Variants in IMMP2L observed in about 807,000 individuals in gnomAD.
IMMP2L encodes mitochondrial inner membrane protease subunit 2.
Under a neutral mutation model 19.3 loss-of-function variants are expected in IMMP2L, and 18 were observed. The observed-to-expected ratio is 0.93, with a 90% CI of 0.64 to 1.38. IMMP2L has a LOEUF of 1.38. Ranked by LOEUF, IMMP2L falls within the 40% of genes most tolerant of loss-of-function variation. IMMP2L has a pLI of 0.00. For missense variants in IMMP2L, 233 were observed against 218.2 expected (o/e 1.07, Z -0.43); for synonymous variants, 76 against 73.0 (o/e 1.04, Z -0.21).
At chr7:111,355,612 G>C (rs968403847) in intron 3 of IMMP2L, among the ~76,000 whole-genome samples, 1 of 151,640 alleles carries the variant, frequency 6.6e-6, no homozygotes, top group Non-Finnish European at 1.5e-5. Flanking sequence ...AAAAAACAGG[G>C]AAAAAATAGA....
At position 111,123,763 on chromosome 7, in the gene IMMP2L, T is replaced by G. The variant is rs565365946; in HGVS notation, c.240-160198A>C. On this transcript the variant is annotated intron_variant, in intron 3 of 5. Transcript: ENST00000405709. The surrounding 1 kb of genome is among the most constrained non-coding windows in gnomAD (Gnocchi z 6.4). ...GTCTTACATTCACCCCAATGCATTTTTCAGACTCCCCAAGCTGGAATCACT... is the reference window on the plus strand; with the variant it reads ...GTCTTACATTCACCCCAATGCATTTGTCAGACTCCCCAAGCTGGAATCACT... 1 of 1,613,982 alleles carries G rather than the reference T, an allele frequency of 6.2e-7. No homozygotes were observed. The highest frequency in any genetic ancestry group is 1.7e-5 in the Admixed American group (1 of 59,964).
intron 5 of IMMP2L, among the ~76,000 whole-genome samples, chr7:110,746,423 A>C (rs962045662): frequency 4.6e-5 from 7 of 152,230 alleles, no homozygotes; most frequent in Admixed American, 1.3e-4. Flanking sequence ...ACATCTACAG[A>C]ACTCTGCACC....
intron 3 of IMMP2L, among the ~76,000 whole-genome samples, chr7:111,418,080 T>C (rs547001799): frequency 2.6e-5 from 4 of 152,070 alleles, no homozygotes; most frequent in East Asian, 1.9e-4. Context: ...ATGTATCCTA[T>C]AGATGTGGAA....
In IMMP2L at chr7:111,474,120, T is replaced by C. The variant is rs115974766; in HGVS notation, c.239+13118A>G. 2.0e-3 allele frequency among the ~76,000 whole-genome samples: 297 copies of C among 152,114 alleles called. 1 individual carries two copies. Among genetic ancestry groups the C allele is most frequent in the South Asian group, 7.3e-3 (35 of 4,810 alleles). The stretch of plus-strand genomic sequence containing the variant: ...CTCACTTAAAAGTGGGAGCTAAACA[T>C]TGGTCACTCATGAACATAAAGATGG... On this transcript the variant is annotated intron_variant, in intron 3 of 5. Transcript: ENST00000405709.
intron 3 of IMMP2L, among the ~76,000 whole-genome samples, chr7:111,009,193 T>G (rs1221643116): frequency 6.6e-6 from 1 of 152,140 alleles, no homozygotes; most frequent in Non-Finnish European, 1.5e-5. Context: ...TCTGGCCTTA[T>G]CAGATTGTTC....
chr7:110,693,225 T>A (rs1454731094), intron 5 of IMMP2L, among the ~76,000 whole-genome samples: 1 of 152,194 alleles, frequency 6.6e-6, no homozygotes, highest in African/African-American at 2.4e-5. Flanking sequence ...AGAGGTTTTG[T>A]GTACTCTAAT....
intron 3 of IMMP2L, among the ~76,000 whole-genome samples, chr7:111,385,009 T>C (rs1036579014): frequency 6.6e-6 from 1 of 152,136 alleles, no homozygotes. Flanking sequence ...AAGGCCTTAT[T>C]CATCAACCAA....
At chr7:110,923,147 T>G (rs890309686) in intron 4 of IMMP2L, among the ~76,000 whole-genome samples, 3 of 152,156 alleles carry the variant, frequency 2.0e-5, no homozygotes, top group Non-Finnish European at 2.9e-5. Context: ...AAAAAGAACA[T>G]GTAAACAGTG....
intron 3 of IMMP2L, among the ~76,000 whole-genome samples, chr7:111,082,389 G>C (rs1350771438): frequency 6.6e-6 from 1 of 152,128 alleles, no homozygotes; most frequent in African/African-American, 2.4e-5. Flanking sequence ...AAAAATAAAC[G>C]CACCTTCTGT....
intron 4 of IMMP2L, among the ~76,000 whole-genome samples, chr7:110,899,929 A>T (rs889566921): frequency 1.3e-5 from 2 of 152,222 alleles, no homozygotes; most frequent in Admixed American, 6.5e-5. Context: ...ATTGGAGAAC[A>T]AAGTTCTCAA....
At chr7:110,932,186 A>AT (rs1815568734) in intron 4 of IMMP2L, among the ~76,000 whole-genome samples, 1 of 152,140 alleles carries the variant, frequency 6.6e-6, no homozygotes, top group African/African-American at 2.4e-5. Flanking sequence ...GAGAGTGGGG[A>AT]TTCTTATCGA....
chr7:111,439,788 T>C (rs1364983670), intron 3 of IMMP2L, among the ~76,000 whole-genome samples: 1 of 151,988 alleles, frequency 6.6e-6, no homozygotes, highest in Admixed American at 6.5e-5. Context: ...CTCTGTAGCA[T>C]GCATTGCTGT....
chr7:110,843,010 T>C (rs143129566), intron 5 of IMMP2L, among the ~76,000 whole-genome samples: 164 of 152,048 alleles, frequency 1.1e-3, no homozygotes, highest in Non-Finnish European at 2.0e-3. Context: ...TCGAATCAGA[T>C]AAAAAAAATC....
intron 3 of IMMP2L, among the ~76,000 whole-genome samples, chr7:111,219,757 T>C (rs1018344827): frequency 2.1e-5 from 3 of 145,162 alleles, no homozygotes; most frequent in Non-Finnish European, 4.6e-5. Context: ...TTTTGGTCTA[T>C]AAAACAAGAA....
At chr7:111,402,456 A>G (rs1266645363) in intron 3 of IMMP2L, among the ~76,000 whole-genome samples, 14 of 152,058 alleles carry the variant, frequency 9.2e-5, no homozygotes, top group Admixed American at 9.2e-4. Context: ...CACGCATGCA[A>G]TCCCAGCACT....
intron 3 of IMMP2L, among the ~76,000 whole-genome samples, chr7:111,458,896 C>G (rs932296195): frequency 1.3e-5 from 2 of 152,166 alleles, no homozygotes; most frequent in Non-Finnish European, 2.9e-5. Flanking sequence ...CTTCTAGTTT[C>G]TCTACATCCT....
chr7:110,966,315 T>C (rs143195298), intron 3 of IMMP2L, among the ~76,000 whole-genome samples: 1 of 152,170 alleles, frequency 6.6e-6, no homozygotes, highest in Non-Finnish European at 1.5e-5. Flanking sequence ...CCCAGATTTT[T>C]GGTCCACATT....
At chr7:110,770,531 A>G (rs1399055723) in intron 5 of IMMP2L, among the ~76,000 whole-genome samples, 3 of 152,160 alleles carry the variant, frequency 2.0e-5, no homozygotes, top group South Asian at 2.1e-4. Flanking sequence ...AGACCTTTAC[A>G]TTTCATGCAC....
chr7:111,373,635 T>C (rs368269321), intron 3 of IMMP2L, among the ~76,000 whole-genome samples: 2 of 151,992 alleles, frequency 1.3e-5, no homozygotes, highest in East Asian at 1.9e-4. Flanking sequence ...TGGAGAAAAA[T>C]TGGTTAGTGA....
Sources: allele counts gnomAD v4.1 joint callset (sites outside exome capture counted in the v4.1 genomes callset), GRCh38; gene constraint gnomAD v4.1.1; non-coding constraint Gnocchi (gnomAD v3.1); transcripts MANE v1.5; gene names NCBI Gene and HGNC (gene_info 2026-07-23, HGNC 2026-07-21).